The following DMD variants were observed in gnomAD, a reference collection of about 807,000 sequenced individuals.
DMD encodes the protein mutant dystrophin.
Under a neutral mutation model 330.1 loss-of-function variants are expected in DMD, and 63 were observed. The observed-to-expected ratio is 0.19, with a 90% CI of 0.16 to 0.24. The LOEUF (loss-of-function observed/expected upper bound fraction) is 0.24, where lower values mean the gene tolerates loss of function less well. Among genes scored for constraint, DMD ranks in the 10% least tolerant of loss-of-function variants. The pLI is 1.00. For missense variants in DMD, 3,344 were observed against 2,684.1 expected, an observed-to-expected ratio of 1.25 and a Z score of -5.43; for synonymous variants, 1,223 against 959.8, an observed-to-expected ratio of 1.27 and a Z score of -5.07.
chrX:32,033,676 G>GAAAAGAAAA lies in DMD; in HGVS notation c.6439-65163_6439-65162insTTTTCTTTT, dbSNP rs1569534713. Among the ~76,000 whole-genome samples, 57 of 90,344 alleles carry GAAAAGAAAA rather than the reference G, an allele frequency of 6.3e-4. 2 individuals are homozygous for GAAAAGAAAA. The highest frequency in any genetic ancestry group is 1.2e-3 in the African/African-American group (28 of 22,776). 78.5% of individuals were successfully genotyped at this position (90,344 alleles called of 115,157 possible). A position where few individuals can be genotyped will look rare whatever the true frequency, so the allele number is the denominator to read the frequency against. ...AAGAAGAAAGAAAGAAAGAAAGGAAGGAAAGAAAGAAAGAGAAAGAAAGAA... is the reference window on the plus strand; with the variant it reads ...AAGAAGAAAGAAAGAAAGAAAGGAAGAAAAGAAAAGAAAGAAAGAAAGAGAAAGAAAGAA... On this transcript the variant is annotated intron_variant, in intron 44 of 78. Coordinates refer to ENST00000357033, the MANE Select transcript of DMD (RefSeq NM_004006.3).
intron 61 of DMD, among the ~76,000 whole-genome samples, chrX:31,334,229 C>T (rs747550162): frequency 8.9e-6 from 1 of 112,249 alleles, no homozygotes; most frequent in Non-Finnish European, 1.9e-5. Context: ...CCACCGCGCC[C>T]GGCCCGAGAT....
chrX:31,437,682 T>G (rs1490904389), intron 60 of DMD, among the ~76,000 whole-genome samples: 1 of 110,087 alleles, frequency 9.1e-6, no homozygotes, highest in Non-Finnish European at 1.9e-5. Context: ...TCATAATAAA[T>G]GAGTGAAATT....
chrX:32,524,817 G>A (rs113201625), intron 17 of DMD, among the ~76,000 whole-genome samples: 66 of 112,525 alleles, frequency 5.9e-4, no homozygotes, highest in Admixed American at 4.8e-3. Flanking sequence ...CATACAGTGC[G>A]TGAACTTCCC....
rs768301679 is a variant in DMD, at chrX:31,773,832, T to C, written c.7542+128A>G. 1.5e-4 allele frequency: 78 copies of C among 530,589 alleles called. No homozygotes were observed. In the East Asian group the frequency reaches 2.6e-3, roughly 18 times the overall value. The allele number at this position is 530,589 out of a possible 1,213,427, so 43.7% of individuals were successfully genotyped here. ...TACTTAGGCTGAATAGTGAGAGTAA[T>C]GTGTTTGCTGAGAGAGAAACAGTTG... On this transcript the variant is annotated intron_variant, in intron 51 of 78. Transcript: ENST00000357033.
chrX:32,846,724 A>T (rs1384389450), intron 3 of DMD, among the ~76,000 whole-genome samples: 19 of 4,749 alleles, frequency 4.0e-3, no homozygotes, highest in Admixed American at 7.2e-3. Flanking sequence ...CTTTAGATTT[A>T]AAAAAAAAAA....
intron 43 of DMD, among the ~76,000 whole-genome samples, chrX:32,240,550 G>T (rs1038267455): frequency 6.3e-5 from 7 of 111,627 alleles, no homozygotes; most frequent in Non-Finnish European, 1.1e-4. Flanking sequence ...ATGGTATTTT[G>T]TTATAGCAAT....
chrX:31,929,733 C>G lies in DMD; in HGVS notation c.6775G>C (p.Glu2259Gln). ...KLEQVKLLVE[E>Q]LPLRQGILKQ... ...AGAATTCCCTGGCGCAGGGGCAACT[C>G]TTCCACCAGTAACTGAAACAGACAA... The change falls in exon 47 of 79, where the codon GAG becomes CAG. Residue 2259 changes from glutamate to glutamine, a missense_variant. Transcript: ENST00000357033. 8.3e-7 allele frequency: 1 copy of G among 1,211,589 alleles called. No individual in the cohort carries two copies. Among genetic ancestry groups the G allele is most frequent in the African/African-American group, 1.7e-5 (1 of 57,791 alleles).
chrX:31,398,670 T>G (rs891031331), intron 60 of DMD, among the ~76,000 whole-genome samples: 1 of 111,563 alleles, frequency 9.0e-6, no homozygotes, highest in Non-Finnish European at 1.9e-5. Flanking sequence ...AGAGATGAGA[T>G]CTTGCTATGT....
chrX:32,946,991 G>A (rs778761406), intron 2 of DMD, among the ~76,000 whole-genome samples: 4 of 112,332 alleles, frequency 3.6e-5, no homozygotes, highest in Non-Finnish European at 5.6e-5. Flanking sequence ...GGGAAAGGGT[G>A]TTTCTAAGAT....
intron 2 of DMD, among the ~76,000 whole-genome samples, chrX:32,863,387 C>T (rs745654062): frequency 2.8e-5 from 3 of 107,785 alleles, no homozygotes; most frequent in Non-Finnish European, 3.8e-5. Flanking sequence ...CATGGTGGCA[C>T]GCGCCTGAAG....
intron 62 of DMD, among the ~76,000 whole-genome samples, chrX:31,310,197 CTCTCTCTCCAT>C (rs1569523668): frequency 3.0e-4 from 22 of 73,783 alleles, no homozygotes; most frequent in African/African-American, 1.2e-3. Flanking sequence ...CTCTCTCTCT[CTCTCTCTCCAT>C]ATATATATAT....
intron 55 of DMD, among the ~76,000 whole-genome samples, chrX:31,530,284 A>C (rs2147475051): frequency 8.9e-6 from 1 of 112,195 alleles, no homozygotes; most frequent in South Asian, 3.7e-4. Flanking sequence ...AACTGGTTTA[A>C]ACCTAAAATC....
chrX:31,972,348 G>A (rs1476276669), intron 44 of DMD, among the ~76,000 whole-genome samples: 1 of 111,204 alleles, frequency 9.0e-6, no homozygotes, highest in East Asian at 2.8e-4. Flanking sequence ...TTTTATACAG[G>A]GAAGGATATA....
intron 29 of DMD, among the ~76,000 whole-genome samples, chrX:32,427,692 T>G (rs2148081812): frequency 9.0e-6 from 1 of 111,234 alleles, no homozygotes; most frequent in Non-Finnish European, 1.9e-5. Flanking sequence ...TCTACTGAGT[T>G]TGTTGATGAC....
intron 44 of DMD, among the ~76,000 whole-genome samples, chrX:32,082,040 A>T (rs1426032068): frequency 1.8e-5 from 2 of 110,439 alleles, no homozygotes; most frequent in African/African-American, 3.3e-5. Context: ...CTATCTGAGG[A>T]GCCCAGAGTG....
intron 55 of DMD, among the ~76,000 whole-genome samples, chrX:31,578,716 G>A (rs1253182144): frequency 8.9e-6 from 1 of 112,104 alleles, no homozygotes; most frequent in Non-Finnish European, 1.9e-5. Context: ...TATAAATGAA[G>A]CTTATTGGTA....
Position 31,178,733 on chromosome X carries a change from C to A in DMD, c.10159G>T (p.Ala3387Ser), listed in dbSNP as rs978406887. The change falls in exon 70 of 79, where the codon GCG (alanine) becomes TCG (serine). Residue 3387 changes from alanine to serine, a missense_variant. Coordinates refer to ENST00000357033, the MANE Select transcript of DMD (RefSeq NM_004006.3). ...KNKFRTKRYF[A>S]KHPRMGYLPV... ...AGGTAGCCCATTCGGGGATGCTTCG[C>A]AAAATACCTTTTGGTTCGAAATTTG... The A allele has an allele frequency of 1.7e-6, 2 of 1,209,683 alleles. No individual in the cohort carries two copies. Among genetic ancestry groups the A allele is most frequent in the Admixed American group, 2.2e-5 (1 of 45,778 alleles).
At chrX:32,598,294 T>C (rs1420897978) in intron 12 of DMD, among the ~76,000 whole-genome samples, 2 of 111,974 alleles carry the variant, frequency 1.8e-5, no homozygotes, top group Admixed American at 1.9e-4. Flanking sequence ...AATAAAACTC[T>C]TTTTGCCATG....
At chrX:31,527,477 T>A (rs1198460394) in intron 55 of DMD, among the ~76,000 whole-genome samples, 1 of 112,426 alleles carries the variant, frequency 8.9e-6, no homozygotes, top group Non-Finnish European at 1.9e-5. Context: ...TATTTAGTGT[T>A]AAGTATGTTG....
Sources: gnomAD v4.1 joint callset for allele counts (sites outside exome capture counted in the v4.1 genomes callset) on GRCh38, gnomAD v4.1.1 for gene constraint, MANE v1.5 for transcripts, NCBI Gene and HGNC (gene_info 2026-07-23, HGNC 2026-07-21) for gene names.